Variants in COL12A1 observed in about 807,000 individuals in gnomAD.
COL12A1 encodes collagen alpha-1(XII) chain.
In COL12A1, 114 loss-of-function variants were observed where a neutral mutation model predicts 349.7. That is an observed-to-expected ratio of 0.33 (90% CI 0.28 to 0.38). The LOEUF (loss-of-function observed/expected upper bound fraction) is 0.38, where lower values mean the gene tolerates loss of function less well. Ranked by LOEUF, COL12A1 falls within the 10% of genes least tolerant of loss-of-function variation. The pLI, the probability that COL12A1 is intolerant of heterozygous loss-of-function variation, is 1.00. For synonymous variants in COL12A1, 1,369 were observed against 1,329.0 expected (o/e 1.03, Z -0.66); for missense variants, 3,284 against 3,756.9 (o/e 0.87, Z 3.29).
At chr6:75,157,299 G>A (rs1475303456) in intron 14 of COL12A1, among the ~76,000 whole-genome samples, 1 of 151,912 alleles carries the variant, frequency 6.6e-6, no homozygotes, top group Non-Finnish European at 1.5e-5. Context: ...TCAATAATCA[G>A]TGTTCAAAAG....
intron 3 of COL12A1, among the ~76,000 whole-genome samples, chr6:75,193,346 A>G (rs1309212686): frequency 1.3e-5 from 2 of 152,336 alleles, no homozygotes; most frequent in South Asian, 2.1e-4. Flanking sequence ...AAGAGAAAAA[A>G]GTAAATTTTT....
chr6:75,145,241 T>C, intron 25 of COL12A1, 85 bp downstream of exon 25: 1 of 1,234,784 alleles, frequency 8.1e-7, no homozygotes, highest in Middle Eastern at 2.1e-4. Flanking sequence ...ATTATCAAAT[T>C]ATTGTTAGCA....
chr6:75,104,402 T>C (rs1444808968), intron 54 of COL12A1, among the ~76,000 whole-genome samples: 2 of 152,220 alleles, frequency 1.3e-5, no homozygotes, highest in African/African-American at 4.8e-5. Context: ...TTTGATTCTA[T>C]ATATGAGGAG....
intron 60 of COL12A1, among the ~76,000 whole-genome samples, chr6:75,094,775 T>C (rs1767928629): frequency 6.6e-6 from 1 of 152,208 alleles, no homozygotes; most frequent in Non-Finnish European, 1.5e-5. Flanking sequence ...TTTTTCCATC[T>C]TAAGCAGCAT....
In COL12A1 at chr6:75,165,735, T is replaced by A; in HGVS notation, c.2755A>T (p.Thr919Ser). ...QDLVTKDITD[T>S]SIGAYWTSAP... ...GATGTCCAATAAGCCCCAATTGATG[T>A]GTCAGTGATGTCTTTAGTAACTAAA... is the stretch of plus-strand genomic sequence containing the variant. Residue 919 changes from threonine to serine, a missense_variant, in exon 14 of 66, where the codon ACA becomes TCA. Physicochemically the swap from Thr to Ser is moderately conservative, Grantham distance 58. Around this residue, in one of 2 missense-constraint regions of COL12A1, gnomAD observed 2,601 missense variants for 2,824.8 expected, o/e 0.92. Transcript: ENST00000322507. The A allele has an allele frequency of 6.2e-7, 1 of 1,613,956 alleles. No homozygotes were observed. Among genetic ancestry groups the A allele is most frequent in the East Asian group, 2.2e-5 (1 of 44,884 alleles).
chr6:75,184,218 C>T lies in COL12A1; in HGVS notation c.998-74G>A. The T allele has an allele frequency of 2.1e-6, 3 of 1,418,070 alleles. No homozygotes were observed. In the South Asian group the frequency reaches 4.0e-5, roughly 19 times the overall value. The allele number at this position is 1,418,070 out of a possible 1,614,324, so 87.8% of individuals were successfully genotyped here. On this transcript the variant is annotated intron_variant, in intron 8 of 65. Transcript: ENST00000322507. ...TACTAATTTGGTCTTTAGGTTTGGA[C>T]CTTCAAATCTCCTTATTCAAATTCA...
chr6:75,118,455 C>T (rs1359316265), intron 46 of COL12A1, among the ~76,000 whole-genome samples: 1 of 152,116 alleles, frequency 6.6e-6, no homozygotes, highest in East Asian at 1.9e-4. Flanking sequence ...CTTGGGACAG[C>T]AGGGGGTAGG....
Position 75,131,996 on chromosome 6 carries a change from C to T in COL12A1, c.5881G>A (p.Val1961Met), listed in dbSNP as rs536233725. ...DVRWDPAPGP[V>M]LQYRVVYSPV... ...GAATACACAACGCGATATTGCAGCA[C>T]AGGTCCTGGAGCAGGGTCCCAGCGA... Residue 1961 changes from valine to methionine, a missense_variant, in exon 35 of 66, where the codon GTG becomes ATG. By Grantham distance (21) the Val-to-Met change is conservative. Transcript: ENST00000322507. The T allele has an allele frequency of 1.2e-6, 2 of 1,614,126 alleles. No homozygotes were observed. Among genetic ancestry groups the T allele is most frequent in the Admixed American group, 3.3e-5 (2 of 60,024 alleles).
intron 40 of COL12A1, 30 bp downstream of exon 40, chr6:75,125,097 C>T (rs1460033899): frequency 6.4e-7 from 1 of 1,552,332 alleles, no homozygotes; most frequent in Non-Finnish European, 8.7e-7. Context: ...TACAGTTTTT[C>T]TCACAACCAT....
intron 32 of COL12A1, 138 bp from the exon 33 acceptor site, chr6:75,134,135 A>T (rs1766457564): frequency 1.1e-6 from 1 of 885,414 alleles, no homozygotes; most frequent in Admixed American, 2.5e-5. Flanking sequence ...TGAATAAACG[A>T]CACACACTGT....
At chr6:75,168,329 T>G (rs2180159) in intron 13 of COL12A1, among the ~76,000 whole-genome samples, 4,771 of 152,338 alleles carry the variant, frequency 0.031, 266 homozygotes, top group African/African-American at 0.11. Flanking sequence ...GTATAGCCCT[T>G]GAATTTTTAA....
Position 75,130,872 on chromosome 6 carries a change from C to A in COL12A1, c.6047G>T (p.Ser2016Ile), listed in dbSNP as rs746329827. 1.2e-6 allele frequency: 2 copies of A among 1,614,080 alleles called. No individual in the cohort carries two copies. The highest frequency in any genetic ancestry group is 2.2e-5 in the East Asian group (1 of 44,868). ...CTCACGCGTTCGGCCCTGGGCAGGG[C>A]TGGGATTTCCCTCTCCATCCGAGTA... ...ALYSDGEGNP[S>I]PAQGRTLPRS... The change falls in exon 36 of 66, where the codon AGC (serine) becomes ATC (isoleucine). Residue 2016 changes from serine (S) to isoleucine (I), a missense_variant. Physicochemically the swap from Ser to Ile is moderately radical, Grantham distance 142. Transcript: ENST00000322507.
rs373292353 is a variant in COL12A1, at chr6:75,183,166, G to A, written c.1775C>T (p.Ala592Val). Residue 592 changes from alanine to valine, a missense_variant, in exon 10 of 66, where the codon GCA becomes GTA. Around this residue, in one of 2 missense-constraint regions of COL12A1, gnomAD observed 2,601 missense variants for 2,824.8 expected, o/e 0.92. Coordinates refer to ENST00000322507, the MANE Select transcript of COL12A1 (RefSeq NM_004370.6). ...SELEAIASPP[A>V]ETHVFTVEDF... ...TTCCACTGTGAACACATGGGTCTCT[G>A]CAGGAGGAGAGGCAATAGCTTCCAA... is the stretch of plus-strand genomic sequence containing the variant. 187 of 1,614,050 alleles carry A rather than the reference G, an allele frequency of 1.2e-4. No individual in the cohort carries two copies. Among genetic ancestry groups the A allele is most frequent in the Non-Finnish European group, 1.5e-4 (172 of 1,180,046 alleles).
At chr6:75,154,375 C>T in intron 17 of COL12A1, 41 bp downstream of exon 17, 1 of 1,596,410 alleles carries the variant, frequency 6.3e-7, no homozygotes, top group South Asian at 1.1e-5. Flanking sequence ...GAAATAGTTT[C>T]CTAAGTTGTT....
In COL12A1 at chr6:75,090,467, A is replaced by C. The variant is rs77891462; in HGVS notation, c.8753-169T>G. ...TAAAATTAAGACAGTCTAATCATCG[A>C]GGACAAAATGGTCCCTGATAAATAA... On this transcript the variant is annotated intron_variant, in intron 62 of 65. Transcript: ENST00000322507. The surrounding 1 kb of genome is among the most constrained non-coding windows in gnomAD (Gnocchi z 4.1). Among the ~76,000 whole-genome samples, 473 of 152,334 alleles carry C rather than the reference A, an allele frequency of 3.1e-3. 11 individuals carry two copies. The highest frequency in any genetic ancestry group is 0.016 in the East Asian group (84 of 5,182).
chr6:75,189,499 C>G (rs1333390779), intron 6 of COL12A1, 53 bp downstream of exon 6: 10 of 1,583,094 alleles, frequency 6.3e-6, no homozygotes, highest in Non-Finnish European at 8.6e-6. Context: ...TCATTTCTTT[C>G]TGAAACAGAC....
At chr6:75,103,313 A>C (rs549821961) in intron 55 of COL12A1, among the ~76,000 whole-genome samples, 1 of 152,346 alleles carries the variant, frequency 6.6e-6, no homozygotes, top group African/African-American at 2.4e-5. Flanking sequence ...GTCTTACAGA[A>C]AACCAGTGTG....
intron 16 of COL12A1, 127 bp from the exon 17 acceptor site, chr6:75,154,664 CA>C: frequency 2.2e-6 from 2 of 890,506 alleles, no homozygotes; most frequent in Non-Finnish European, 3.1e-6. Flanking sequence ...TTATAGTGTA[CA>C]ACATTATAAG....
rs1169799180 is a variant in COL12A1, at chr6:75,202,754, G to A, written c.39C>T (p.Gly13=). 1.3e-6 allele frequency: 2 copies of A among 1,551,934 alleles called. No individual in the cohort carries two copies. Among genetic ancestry groups the A allele is most frequent in the East Asian group, 2.4e-5 (1 of 40,948 alleles). ...SRLPPALAAL[G]AALLLSSIEA... Reference sequence around the variant, plus strand: ...CAATGGAAGACAGGAGCAGGGCCGCGCCCAGGGCGGCAAGCGCTGGGGGAA... The same window carrying A: ...CAATGGAAGACAGGAGCAGGGCCGCACCCAGGGCGGCAAGCGCTGGGGGAA... Residue 13 remains glycine, a synonymous_variant, in exon 2 of 66, where the codon GGC becomes GGT. Transcript: ENST00000322507.
Sources: allele counts gnomAD v4.1 joint callset (sites outside exome capture counted in the v4.1 genomes callset), GRCh38; gene constraint gnomAD v4.1.1; regional missense constraint gnomAD v4.1.1; non-coding constraint Gnocchi (gnomAD v3.1); transcripts MANE v1.5; gene names NCBI Gene and HGNC (gene_info 2026-07-23, HGNC 2026-07-21).